The following ZMYM5 variants were observed in gnomAD, a reference collection of about 807,000 sequenced individuals.
ZMYM5 encodes zinc finger MYM-type protein 5.
In ZMYM5, 41 loss-of-function variants were observed where a neutral mutation model predicts 61.8. The observed-to-expected ratio is 0.66, with a 90% CI of 0.52 to 0.86. ZMYM5 has a LOEUF of 0.86. Among genes scored for constraint, ZMYM5 ranks in the 40% least tolerant of loss-of-function variants. The pLI is 0.00. For synonymous variants in ZMYM5, 257 were observed against 276.4 expected (o/e 0.93, Z 0.70); for missense variants, 706 against 786.7 (o/e 0.90, Z 1.23).
chr13:19,834,718 T>G (rs112212675), intron 7 of ZMYM5, among the ~76,000 whole-genome samples: 14,932 of 152,044 alleles, frequency 0.098, 852 homozygotes, highest in African/African-American at 0.16. Flanking sequence ...TGAGACAGAG[T>G]CTTGCTCTGT....
intron 2 of ZMYM5, among the ~76,000 whole-genome samples, chr13:19,860,760 C>T (rs1953716714): frequency 6.6e-6 from 1 of 151,066 alleles, no homozygotes; most frequent in Non-Finnish European, 1.5e-5. Context: ...ATAAAAAGAA[C>T]TGCTGGAAAT....
intron 2 of ZMYM5, among the ~76,000 whole-genome samples, chr13:19,857,517 G>T (rs1050773558): frequency 1.1e-4 from 16 of 152,152 alleles, no homozygotes; most frequent in Admixed American, 9.8e-4. Flanking sequence ...AAAGTAATGA[G>T]ATCAGAAAAA....
chr13:19,831,400 C>T (rs1438618372), intron 7 of ZMYM5, among the ~76,000 whole-genome samples: 1 of 152,010 alleles, frequency 6.6e-6, no homozygotes, highest in Non-Finnish European at 1.5e-5. Flanking sequence ...ACTGGGGTTA[C>T]AGGTGTGAGC....
chr13:19,854,020 T>G (rs1306720280), intron 2 of ZMYM5, among the ~76,000 whole-genome samples: 1 of 152,112 alleles, frequency 6.6e-6, no homozygotes, highest in Admixed American at 6.5e-5. Context: ...GAAACATGCT[T>G]TTTTATTGGA....
intron 2 of ZMYM5, among the ~76,000 whole-genome samples, chr13:19,860,101 CAA>C (rs537760988): frequency 9.6e-5 from 3 of 31,328 alleles, no homozygotes; most frequent in Non-Finnish European, 1.9e-4. Context: ...AAGACTGTCT[CAA>C]AAAAAAAAAA....
intron 7 of ZMYM5, among the ~76,000 whole-genome samples, chr13:19,834,606 G>A (rs1279165025): frequency 2.0e-5 from 3 of 152,172 alleles, no homozygotes; most frequent in Non-Finnish European, 1.5e-5. Flanking sequence ...TGGTCAGAAT[G>A]TAGAGCAACT....
chr13:19,825,199 C>A lies in ZMYM5; in HGVS notation c.1288G>T (p.Glu430Ter), dbSNP rs1309257859. The A allele has an allele frequency of 7.9e-7, 1 of 1,271,860 alleles. No individual in the cohort carries two copies. 78.8% of individuals were successfully genotyped at this position (1,271,860 alleles called of 1,614,324 possible). Residue 430 changes from glutamate to a stop codon, truncating the protein, a stop_gained, in exon 8 of 8, where the codon GAA becomes TAA. Transcript: ENST00000337963. LOFTEE classifies it high-confidence loss of function. ...ETKSKKLTAS[E>*]NRKRNAFREE... The stretch of plus-strand genomic sequence containing the variant: ...CTAAAAGCATTCCTTTTTCTATTTT[C>A]TGATGCTGTTAATTTTTTTGATTTT...
intron 4 of ZMYM5, among the ~76,000 whole-genome samples, chr13:19,841,321 T>C (rs147612952): frequency 4.6e-4 from 70 of 152,296 alleles, no homozygotes; most frequent in Non-Finnish European, 8.7e-4. Context: ...AGCATTTTAA[T>C]CCATAGGTTG....
intron 2 of ZMYM5, among the ~76,000 whole-genome samples, chr13:19,856,352 C>A (rs1053364536): frequency 6.6e-6 from 1 of 152,034 alleles, no homozygotes; most frequent in African/African-American, 2.4e-5. Context: ...CAAAAAACAT[C>A]AAATTATGAC....
At chr13:19,831,599 C>T (rs1034847839) in intron 7 of ZMYM5, among the ~76,000 whole-genome samples, 1 of 151,480 alleles carries the variant, frequency 6.6e-6, no homozygotes, top group African/African-American at 2.4e-5. Context: ...AGTTCAAGAC[C>T]AGTCTGGCCA....
At chr13:19,845,080 A>G (rs1953029904) in intron 4 of ZMYM5, among the ~76,000 whole-genome samples, 1 of 152,230 alleles carries the variant, frequency 6.6e-6, no homozygotes, top group Non-Finnish European at 1.5e-5. Flanking sequence ...GATGTTTATG[A>G]GAAACAGTTT....
chr13:19,824,461 A>G lies in ZMYM5; in HGVS notation c.*16T>C. ...GTAAGATTCTGATCATCATGCCAAA[A>G]AACAACTCAGGTATATTACGTGTAC... On this transcript the variant is annotated 3_prime_UTR_variant, in exon 8 of 8. Transcript: ENST00000337963. The G allele has an allele frequency of 3.1e-6, 4 of 1,275,986 alleles. No homozygotes were observed. The highest frequency in any genetic ancestry group is 4.1e-6 in the Non-Finnish European group (4 of 985,030). The allele number at this position is 1,275,986 out of a possible 1,614,324, so 79.0% of individuals were successfully genotyped here.
intron 2 of ZMYM5, among the ~76,000 whole-genome samples, chr13:19,855,645 A>G (rs1015619159): frequency 8.6e-5 from 13 of 151,966 alleles, no homozygotes; most frequent in African/African-American, 3.1e-4. Flanking sequence ...TACTCAGTTC[A>G]CTGCAGTCAT....
chr13:19,837,611 T>G (rs1277327823), intron 6 of ZMYM5, 45 bp downstream of exon 6: 6 of 1,605,640 alleles, frequency 3.7e-6, no homozygotes, highest in Non-Finnish European at 4.2e-6. Context: ...AAGTTAAAAT[T>G]ATCACTGTTA....
Position 19,837,753 on chromosome 13 carries a change from T to C in ZMYM5, c.941A>G (p.Tyr314Cys). ...ACAGGGAGACAAACAAGATGTACTA[T>C]AAAATTCTTGGAAGGATTTGCTTGA... is the stretch of plus-strand genomic sequence containing the variant. Reference protein sequence around the residue: ...VESSKSFQEFYSTSCLSPCEN... With the variant: ...VESSKSFQEFCSTSCLSPCEN... The change falls in exon 6 of 8, where the codon TAT becomes TGT. Residue 314 changes from tyrosine (Y) to cysteine (C), a missense_variant. This residue lies in a region of ZMYM5 where 480 missense variants were observed against 461.7 expected (regional missense o/e 1.04). Coordinates refer to ENST00000337963, the MANE Select transcript of ZMYM5 (RefSeq NM_001142684.2). 1.3e-6 allele frequency: 2 copies of C among 1,587,666 alleles called. No individual in the cohort carries two copies. The highest frequency in any genetic ancestry group is 8.5e-7 in the Non-Finnish European group (1 of 1,173,980).
At chr13:19,845,101 A>G (rs1953030698) in intron 4 of ZMYM5, among the ~76,000 whole-genome samples, 2 of 152,220 alleles carry the variant, frequency 1.3e-5, no homozygotes, top group Non-Finnish European at 2.9e-5. Context: ...GTAATTGCAA[A>G]CAGTAGAAAC....
intron 7 of ZMYM5, among the ~76,000 whole-genome samples, chr13:19,828,533 C>T (rs1891032481): frequency 6.6e-6 from 1 of 152,096 alleles, no homozygotes; most frequent in Admixed American, 6.6e-5. Context: ...AGAGATGTGA[C>T]ATGATCAAAT....
intron 2 of ZMYM5, among the ~76,000 whole-genome samples, chr13:19,859,564 A>G (rs1593926183): frequency 6.7e-6 from 1 of 149,678 alleles, no homozygotes; most frequent in South Asian, 2.1e-4. Context: ...CACCATGCCC[A>G]GCTGATTTTT....
intron 1 of ZMYM5, 148 bp from the exon 2 acceptor site, chr13:19,862,614 TG>T (rs1953812341): frequency 6.6e-6 from 1 of 151,290 alleles, no homozygotes; most frequent in African/African-American, 2.4e-5. Flanking sequence ...GAAACTAAGT[TG>T]AAAAAAAAGA....
Sources: allele counts gnomAD v4.1 joint callset (sites outside exome capture counted in the v4.1 genomes callset), GRCh38; gene constraint gnomAD v4.1.1; regional missense constraint gnomAD v4.1.1; transcripts MANE v1.5; gene names NCBI Gene and HGNC (gene_info 2026-07-23, HGNC 2026-07-21).